MAP3K5: variants seen among roughly 807,000 people sequenced by gnomAD.
MAP3K5 encodes the protein mitogen-activated protein kinase kinase kinase 5.
A neutral mutation model predicts 158.7 loss-of-function variants in MAP3K5; 56 were observed. The observed-to-expected ratio is 0.35, with a 90% CI of 0.28 to 0.44. The LOEUF (loss-of-function observed/expected upper bound fraction) is 0.44, where lower values mean the gene tolerates loss of function less well. Ranked by LOEUF, MAP3K5 falls within the 20% of genes least tolerant of loss-of-function variation. The pLI is 1.00. For missense variants in MAP3K5, 1,294 were observed against 1,674.8 expected, an observed-to-expected ratio of 0.77 and a Z score of 3.97; for synonymous variants, 579 against 601.7, an observed-to-expected ratio of 0.96 and a Z score of 0.55.
chr6:136,561,666 G>A (rs1459584620), intron 27 of MAP3K5, 21 bp from the exon 28 acceptor site: 2 of 1,397,702 alleles, frequency 1.4e-6, no homozygotes, highest in Admixed American at 1.7e-5. Flanking sequence ...ATTTTGGGAA[G>A]ATATTCTTAA....
chr6:136,792,499 G>A (rs1301589205), upstream of MAP3K5: 6 of 531,024 alleles, frequency 1.1e-5, no homozygotes, highest in Non-Finnish European at 1.2e-5. The surrounding 1 kb of genome is among the most constrained non-coding windows in gnomAD (Gnocchi z 5.7). Flanking sequence ...CCGCGGTGCA[G>A]CTCAAGGGCG....
chr6:136,653,488 T>C (rs1216075575), intron 10 of MAP3K5, among the ~76,000 whole-genome samples: 2 of 152,216 alleles, frequency 1.3e-5, no homozygotes, highest in Non-Finnish European at 2.9e-5. Context: ...GAAGATGCTA[T>C]GCTAAGGACA....
At chr6:136,628,205 A>G (rs972021414) in intron 14 of MAP3K5, among the ~76,000 whole-genome samples, 1 of 151,556 alleles carries the variant, frequency 6.6e-6, no homozygotes, top group African/African-American at 2.4e-5. Context: ...TTGAACTCCT[A>G]GGTTCAAGCA....
Position 136,586,226 on chromosome 6 carries a change from A to G in MAP3K5, c.3226-2486T>C, listed in dbSNP as rs184583239. Among the ~76,000 whole-genome samples, 5 of 152,376 alleles carry G rather than the reference A, an allele frequency of 3.3e-5. No individual in the cohort carries two copies. In the East Asian group the frequency reaches 9.6e-4, roughly 29 times the overall value. On this transcript the variant is annotated intron_variant, in intron 23 of 29. Transcript: ENST00000359015. ...AAAGATTCACAGGCAAAATCATAAC[A>G]TCATGAAAACATGTTCAAGAAGAAA... is the stretch of plus-strand genomic sequence containing the variant.
Position 136,750,546 on chromosome 6 carries a change from TTGAG to T in MAP3K5, c.449-29961_449-29958del, listed in dbSNP as rs1440247872. On this transcript the variant is annotated intron_variant, in intron 1 of 29. Coordinates refer to ENST00000359015, the MANE Select transcript of MAP3K5 (RefSeq NM_005923.4). Reference sequence around the variant, plus strand: ...AAGGGGTGAATTGTTCATGTAGCACTTGAGTATTTTTGTTGTTAAAAATAATTTG... The same window carrying T: ...AAGGGGTGAATTGTTCATGTAGCACTTATTTTTGTTGTTAAAAATAATTTG... 3.9e-5 allele frequency among the ~76,000 whole-genome samples: 6 copies of T among 152,242 alleles called. No homozygotes were observed. The East Asian group carries it at 1.2e-3, about 29-fold the overall frequency.
chr6:136,663,159 A>G (rs1424485496), intron 8 of MAP3K5, among the ~76,000 whole-genome samples: 1 of 35,912 alleles, frequency 2.8e-5, no homozygotes, highest in Non-Finnish European at 5.1e-5. Flanking sequence ...GTAGTAAGGA[A>G]AAATAAAGCC....
chr6:136,673,455 G>A (rs1779569655), intron 7 of MAP3K5, among the ~76,000 whole-genome samples: 1 of 152,134 alleles, frequency 6.6e-6, no homozygotes, highest in African/African-American at 2.4e-5. Context: ...GGAGTTTATA[G>A]ACAAGGACTT....
chr6:136,575,506 T>C (rs1283132636), intron 25 of MAP3K5, among the ~76,000 whole-genome samples: 1 of 152,180 alleles, frequency 6.6e-6, no homozygotes, highest in African/African-American at 2.4e-5. Context: ...TTATTTGAAT[T>C]TCACCAGTTT....
At chr6:136,579,833 T>C (rs1774789318) in intron 25 of MAP3K5, 1 of 456,628 alleles carries the variant, frequency 2.2e-6, no homozygotes. Context: ...ATTCCTGGGC[T>C]TTATTCCTGG....
In MAP3K5 at chr6:136,696,045, T is replaced by C. The variant is rs778590348; in HGVS notation, c.988A>G (p.Ile330Val). 3 of 1,600,866 alleles carry C rather than the reference T, an allele frequency of 1.9e-6. No individual in the cohort carries two copies. Among genetic ancestry groups the C allele is most frequent in the South Asian group, 1.1e-5 (1 of 90,740 alleles). ...TCTAAAGTCTCTACCAGCTTCACAA[T>C]AGAATCATAGTCCTTTCAAATTAGA... ...SYRDIQDYDS[I>V]VKLVETLEKL... is the part of the protein sequence containing the mutation. The change falls in exon 6 of 30, where the codon ATT becomes GTT. Residue 330 changes from isoleucine to valine, a missense_variant. Ile to Val is a conservative substitution (Grantham distance 29, BLOSUM62 3). Coordinates refer to ENST00000359015, the MANE Select transcript of MAP3K5 (RefSeq NM_005923.4).
At chr6:136,738,942 GCACA>G (rs59144448) in intron 1 of MAP3K5, among the ~76,000 whole-genome samples, 61,379 of 149,654 alleles carry the variant, frequency 0.41, 12,865 homozygotes, top group Middle Eastern at 0.48. Flanking sequence ...ACACACGCGT[GCACA>G]CACACACACA....
rs116725123 is a variant in MAP3K5, at chr6:136,762,536, G to C, written c.448+29174C>G. The stretch of plus-strand genomic sequence containing the variant: ...AAGACAGTGAGTGTGTGAGGGTAAG[G>C]GGGGAAGAGAGCTTAGTTCAAGAAA... On this transcript the variant is annotated intron_variant, in intron 1 of 29. Coordinates refer to ENST00000359015, the MANE Select transcript of MAP3K5 (RefSeq NM_005923.4). Among the ~76,000 whole-genome samples the C allele has an allele frequency of 3.3e-5, 5 of 152,216 alleles. 1 individual carries two copies. In the East Asian group the frequency reaches 5.8e-4, roughly 18 times the overall value.
chr6:136,615,728 A>G (rs867951687), intron 15 of MAP3K5, among the ~76,000 whole-genome samples: 14 of 152,204 alleles, frequency 9.2e-5, no homozygotes, highest in African/African-American at 2.4e-4. Flanking sequence ...TATAATCTAA[A>G]TTGAATATAT....
chr6:136,639,936 A>G (rs1777843734), intron 12 of MAP3K5, among the ~76,000 whole-genome samples: 2 of 152,132 alleles, frequency 1.3e-5, no homozygotes, highest in Non-Finnish European at 2.9e-5. Flanking sequence ...TGCCTACTAC[A>G]CTATTCTGTG....
rs182114791 is a variant in MAP3K5 at position 136,585,513 on chromosome 6, A to T, written c.3226-1773T>A. Among the ~76,000 whole-genome samples the T allele has an allele frequency of 9.4e-5, 10 of 106,484 alleles. 1 individual carries two copies. The highest frequency in any genetic ancestry group is 8.9e-4 in the South Asian group (3 of 3,354). 69.9% of individuals were successfully genotyped at this position (106,484 alleles called of 152,430 possible). A position where few individuals can be genotyped will look rare whatever the true frequency, so the allele number is the denominator to read the frequency against. On this transcript the variant is annotated intron_variant, in intron 23 of 29. Coordinates refer to ENST00000359015, the MANE Select transcript of MAP3K5 (RefSeq NM_005923.4). The stretch of plus-strand genomic sequence containing the variant: ...TATTTATTTATTTATTTATTTATTT[A>T]TTTTTTGACAAAGTCTTGCTTTGTC...
intron 1 of MAP3K5, among the ~76,000 whole-genome samples, chr6:136,721,810 G>T (rs1264570295): frequency 6.6e-6 from 1 of 152,172 alleles, no homozygotes; most frequent in Non-Finnish European, 1.5e-5. Context: ...CTGAGGCCAG[G>T]AGTTTGAGGC....
chr6:136,688,883 T>C (rs1186345300), intron 7 of MAP3K5, among the ~76,000 whole-genome samples: 47 of 152,162 alleles, frequency 3.1e-4, no homozygotes, highest in Non-Finnish European at 1.3e-4. Flanking sequence ...ATACTGGGCA[T>C]AATGCTTCTC....
At chr6:136,786,800 C>CTTT (rs11296757) in intron 1 of MAP3K5, among the ~76,000 whole-genome samples, 92 of 101,090 alleles carry the variant, frequency 9.1e-4, no homozygotes, top group East Asian at 1.6e-3. Context: ...TTAAGTTCTT[C>CTTT]TTTTTTTTTT....
At chr6:136,578,942 G>A (rs1051755980) in intron 25 of MAP3K5, among the ~76,000 whole-genome samples, 112 of 151,682 alleles carry the variant, frequency 7.4e-4, no homozygotes, top group African/African-American at 2.5e-3. Context: ...AGGCCGAGGC[G>A]GGAGGACAGC....
Sources: gnomAD v4.1 joint callset for allele counts (sites outside exome capture counted in the v4.1 genomes callset) on GRCh38, gnomAD v4.1.1 for gene constraint, Gnocchi (gnomAD v3.1) non-coding constraint, MANE v1.5 for transcripts, NCBI Gene and HGNC (gene_info 2026-07-23, HGNC 2026-07-21) for gene names.